Variants in MRPL42 observed in about 807,000 individuals in gnomAD.
MRPL42 encodes the protein large ribosomal subunit protein mL42.
A neutral mutation model predicts 17.9 loss-of-function variants in MRPL42; 17 were observed. That is an observed-to-expected ratio of 0.95 (90% CI 0.65 to 1.42). The LOEUF is 1.42. Among genes scored for constraint, MRPL42 ranks in the 40% most tolerant of loss-of-function variants. MRPL42 has a pLI of 0.00. For synonymous variants in MRPL42, 59 were observed against 54.4 expected, an observed-to-expected ratio of 1.08 and a Z score of -0.37; for missense variants, 177 against 175.2, an observed-to-expected ratio of 1.01 and a Z score of -0.06.
At chr12:93,481,558 A>G (rs1880464377) in intron 4 of MRPL42, among the ~76,000 whole-genome samples, 1 of 152,142 alleles carries the variant, frequency 6.6e-6, no homozygotes, top group South Asian at 2.1e-4. Flanking sequence ...TGAATATTCT[A>G]AGCTTGCTGT....
chr12:93,480,504 T>C (rs569479751), intron 4 of MRPL42, among the ~76,000 whole-genome samples: 1 of 151,956 alleles, frequency 6.6e-6, no homozygotes. Flanking sequence ...AAAATCATCA[T>C]TAGGGTCAGG....
At position 93,508,227 on chromosome 12, in the gene MRPL42, G is replaced by A. The variant is rs1043690015; in HGVS notation, c.*7006G>A. 1.4e-5 allele frequency: 2 copies of A among 143,680 alleles called. No individual in the cohort carries two copies. Among genetic ancestry groups the A allele is most frequent in the African/African-American group, 2.5e-5 (1 of 39,556 alleles). The allele number at this position is 143,680 out of a possible 1,614,324, so 8.9% of individuals were successfully genotyped here. A position where few individuals can be genotyped will look rare whatever the true frequency, so the allele number is the denominator to read the frequency against. ...CCCAAAGTGCTGGGATTACAGGTGT[G>A]AGCCACCACGCCTGGTCTTCTACAA... On this transcript the variant is annotated 3_prime_UTR_variant, in exon 6 of 6. Coordinates refer to ENST00000549982, the MANE Select transcript of MRPL42 (RefSeq NM_014050.4).
At chr12:93,472,956 G>T (rs1041428084) in intron 2 of MRPL42, among the ~76,000 whole-genome samples, 25 of 152,120 alleles carry the variant, frequency 1.6e-4, no homozygotes, top group Non-Finnish European at 2.9e-5. Flanking sequence ...CCAAAATCTG[G>T]ATCTCCCACC....
chr12:93,494,027 T>TGGAA (rs1304197739), intron 5 of MRPL42, among the ~76,000 whole-genome samples: 1 of 120,776 alleles, frequency 8.3e-6, no homozygotes, highest in African/African-American at 3.3e-5. Flanking sequence ...AGCCCTGAGA[T>TGGAA]GGAAGGAAGG....
chr12:93,490,257 C>T (rs529507145), intron 5 of MRPL42, among the ~76,000 whole-genome samples: 43 of 152,178 alleles, frequency 2.8e-4, no homozygotes, highest in Non-Finnish European at 4.7e-4. Context: ...TGTCTAGTAC[C>T]CTATGTTTAA....
At chr12:93,477,898 G>C (rs912921561) in intron 3 of MRPL42, among the ~76,000 whole-genome samples, 1 of 151,600 alleles carries the variant, frequency 6.6e-6, no homozygotes, top group South Asian at 2.1e-4. Flanking sequence ...CCTGACCTCA[G>C]GTAATCTGCC....
chr12:93,490,975 C>T (rs1309561183), intron 5 of MRPL42, among the ~76,000 whole-genome samples: 1 of 152,172 alleles, frequency 6.6e-6, no homozygotes, highest in Non-Finnish European at 1.5e-5. Context: ...ACTGCAACCT[C>T]CGCCTCCCGG....
At chr12:93,487,432 A>G in intron 4 of MRPL42, 65 bp from the exon 5 acceptor site, 1 of 1,429,316 alleles carries the variant, frequency 7.0e-7, no homozygotes. Context: ...TTTTATTGTG[A>G]TCTCAAACAA....
At chr12:93,471,052 A>G (rs2121160887) in intron 2 of MRPL42, among the ~76,000 whole-genome samples, 1 of 152,364 alleles carries the variant, frequency 6.6e-6, no homozygotes, top group East Asian at 1.9e-4. Flanking sequence ...TGAAGAATGG[A>G]GTATAAGTAA....
chr12:93,511,146 G>GT lies in MRPL42; in HGVS notation c.*9931dup, dbSNP rs1953722209. 6.6e-6 allele frequency: 1 copy of GT among 152,114 alleles called. No individual in the cohort carries two copies. Among genetic ancestry groups the GT allele is most frequent in the African/African-American group, 2.4e-5 (1 of 41,430 alleles). 9.4% of individuals were successfully genotyped at this position (152,114 alleles called of 1,614,324 possible). A position where few individuals can be genotyped will look rare whatever the true frequency, so the allele number is the denominator to read the frequency against. On this transcript the variant is annotated 3_prime_UTR_variant, in exon 6 of 6. Coordinates refer to ENST00000549982, the MANE Select transcript of MRPL42 (RefSeq NM_014050.4). Reference sequence around the variant, plus strand: ...TATAATTCTTCATATACTGAGTTCAGTTTTTTAGCCATAAATGAAGACATG... The same window carrying GT: ...TATAATTCTTCATATACTGAGTTCAGTTTTTTTAGCCATAAATGAAGACATG...
Position 93,497,835 on chromosome 12 carries a change from A to G in MRPL42, c.384-3341A>G, listed in dbSNP as rs150341043. ...TAATTTTTCTGTTGAAAATCCTCAA[A>G]CAGCTTCCTATCTCACTCAGAAACA... On this transcript the variant is annotated intron_variant, in intron 5 of 5. Coordinates refer to ENST00000549982, the MANE Select transcript of MRPL42 (RefSeq NM_014050.4). Among the ~76,000 whole-genome samples, 184 of 151,770 alleles carry G rather than the reference A, an allele frequency of 1.2e-3. 2 individuals carry two copies. In the East Asian group the frequency reaches 0.03, roughly 25 times the overall value.
chr12:93,485,258 G>A, intron 4 of MRPL42, among the ~76,000 whole-genome samples: 1 of 149,688 alleles, frequency 6.7e-6, no homozygotes, highest in East Asian at 2.0e-4. Context: ...AGCTTCCCAG[G>A]CTTAAGTGAT....
chr12:93,488,549 G>T (rs879397329), intron 5 of MRPL42: 15 of 337,890 alleles, frequency 4.4e-5, no homozygotes, highest in Non-Finnish European at 7.9e-5. Flanking sequence ...TGTTGTTTTT[G>T]TTCATTTTCC....
chr12:93,480,940 T>A (rs1404472487), intron 4 of MRPL42, among the ~76,000 whole-genome samples: 1 of 152,194 alleles, frequency 6.6e-6, no homozygotes, highest in Non-Finnish European at 1.5e-5. Flanking sequence ...GCCTCTTTTT[T>A]ATCACTTATT....
rs1953721727 is a variant in MRPL42, at chr12:93,511,115, CATAAAT to C, written c.*9899_*9904del. 2 of 152,092 alleles carry C rather than the reference CATAAAT, an allele frequency of 1.3e-5. No individual in the cohort carries two copies. The highest frequency in any genetic ancestry group is 2.4e-5 in the African/African-American group (1 of 41,426). The allele number at this position is 152,092 out of a possible 1,614,324, so 9.4% of individuals were successfully genotyped here. A position where few individuals can be genotyped will look rare whatever the true frequency, so the allele number is the denominator to read the frequency against. On this transcript the variant is annotated 3_prime_UTR_variant, in exon 6 of 6. Coordinates refer to ENST00000549982, the MANE Select transcript of MRPL42 (RefSeq NM_014050.4). ...ACCAATAGATTGTTCTAGTTTTACT[CATAAAT>C]ATAATTCTTCATATACTGAGTTCAG...
chr12:93,496,151 T>G, intron 5 of MRPL42, among the ~76,000 whole-genome samples: 1 of 152,162 alleles, frequency 6.6e-6, no homozygotes, highest in East Asian at 1.9e-4. Flanking sequence ...CACCACCTCC[T>G]GAGTTCAAGC....
chr12:93,473,424 G>GTTAT (rs957766624), intron 2 of MRPL42, among the ~76,000 whole-genome samples: 13 of 151,178 alleles, frequency 8.6e-5, no homozygotes, highest in Admixed American at 3.3e-4. Context: ...ACCATGTCTG[G>GTTAT]TTATTTATTT....
intron 3 of MRPL42, among the ~76,000 whole-genome samples, chr12:93,478,330 C>T (rs1457512026): frequency 6.6e-6 from 1 of 152,092 alleles, no homozygotes; most frequent in African/African-American, 2.4e-5. Context: ...TCATTGCAGC[C>T]TCAACCTCCC....
At chr12:93,484,979 C>CATAT (rs4020795) in intron 4 of MRPL42, among the ~76,000 whole-genome samples, 304 of 22,418 alleles carry the variant, frequency 0.014, 7 homozygotes, top group Non-Finnish European at 0.025. Context: ...CACACACACA[C>CATAT]ATATATATAT....
Sources: gnomAD v4.1 joint callset for allele counts (sites outside exome capture counted in the v4.1 genomes callset) on GRCh38, gnomAD v4.1.1 for gene constraint, MANE v1.5 for transcripts, NCBI Gene and HGNC (gene_info 2026-07-23, HGNC 2026-07-21) for gene names.